The following TMEM117 variants were observed in gnomAD, a reference collection of about 807,000 sequenced individuals.
TMEM117 encodes transmembrane protein 117.
Under a neutral mutation model 52.4 loss-of-function variants are expected in TMEM117, and 27 were observed. The observed-to-expected ratio is 0.51, with a 90% CI of 0.38 to 0.71. The LOEUF is 0.71. Ranked by LOEUF, TMEM117 falls within the 30% of genes least tolerant of loss-of-function variation. The probability of loss-of-function intolerance (pLI) is 0.00; values close to 1 mark genes in which losing one functional copy is unlikely to be tolerated. For synonymous variants in TMEM117, 215 were observed against 206.3 expected, an observed-to-expected ratio of 1.04 and a Z score of -0.36; for missense variants, 556 against 630.5, an observed-to-expected ratio of 0.88 and a Z score of 1.26.
At chr12:44,259,299 A>G (rs1355729785) in intron 5 of TMEM117, among the ~76,000 whole-genome samples, 1 of 152,136 alleles carries the variant, frequency 6.6e-6, no homozygotes, top group Non-Finnish European at 1.5e-5. Context: ...ACCATACTCT[A>G]TGATGTGGTT....
chr12:44,141,989 T>C (rs1215816288), intron 3 of TMEM117, among the ~76,000 whole-genome samples: 1 of 152,216 alleles, frequency 6.6e-6, no homozygotes, highest in African/African-American at 2.4e-5. Flanking sequence ...TTTTATATCT[T>C]CACTAACACT....
chr12:44,281,579 C>T (rs1950577514), intron 5 of TMEM117, among the ~76,000 whole-genome samples: 1 of 152,136 alleles, frequency 6.6e-6, no homozygotes, highest in African/African-American at 2.4e-5. Flanking sequence ...ATAAAACATG[C>T]TTTTGTCCTG....
intron 2 of TMEM117, among the ~76,000 whole-genome samples, chr12:43,930,876 G>A (rs1230195951): frequency 2.0e-5 from 3 of 152,204 alleles, no homozygotes; most frequent in Non-Finnish European, 4.4e-5. Flanking sequence ...CAGGAAGGAG[G>A]AAATCAGGCA....
Position 44,152,662 on chromosome 12 carries a change from CAT to C in TMEM117, c.510+9044_510+9045del, listed in dbSNP as rs1296239800. On this transcript the variant is annotated intron_variant, in intron 4 of 7. Coordinates refer to ENST00000266534, the MANE Select transcript of TMEM117 (RefSeq NM_032256.3). ...AAATTTTTATATATAATATTTATAT[CAT>C]ATATAATTTTTATATATATAATATT... Among the ~76,000 whole-genome samples, 228 of 122,910 alleles carry C rather than the reference CAT, an allele frequency of 1.9e-3. 2 individuals carry two copies. The highest frequency in any genetic ancestry group is 6.8e-3 in the African/African-American group (217 of 31,966). 80.6% of individuals were successfully genotyped at this position (122,910 alleles called of 152,430 possible).
chr12:44,166,443 AG>A (rs1355259088), intron 4 of TMEM117, among the ~76,000 whole-genome samples: 2 of 152,190 alleles, frequency 1.3e-5, no homozygotes, highest in Non-Finnish European at 2.9e-5. Flanking sequence ...AAAGAAATGA[AG>A]TTTCACATTG....
intron 4 of TMEM117, among the ~76,000 whole-genome samples, chr12:44,208,003 A>G (rs1949592545): frequency 6.6e-6 from 1 of 152,118 alleles, no homozygotes; most frequent in African/African-American, 2.4e-5. Flanking sequence ...AGAAAAATCC[A>G]TTAAGAGCTT....
intron 5 of TMEM117, among the ~76,000 whole-genome samples, chr12:44,241,724 A>G (rs561876356): frequency 1.3e-5 from 2 of 152,066 alleles, no homozygotes; most frequent in Admixed American, 6.6e-5. Flanking sequence ...TAAAGCTGGC[A>G]AAACAGTAGT....
chr12:44,039,750 C>A (rs902793130), intron 3 of TMEM117, among the ~76,000 whole-genome samples: 1 of 151,856 alleles, frequency 6.6e-6, no homozygotes, highest in African/African-American at 2.4e-5. Context: ...GAAATCTTTA[C>A]CATCCAGACT....
intron 3 of TMEM117, among the ~76,000 whole-genome samples, chr12:44,031,248 C>G (rs1293611742): frequency 1.3e-5 from 2 of 152,040 alleles, no homozygotes; most frequent in African/African-American, 4.8e-5. Context: ...TCTGATATAA[C>G]TTAGTGTATA....
intron 6 of TMEM117, among the ~76,000 whole-genome samples, chr12:44,311,805 G>GTA (rs1410938648): frequency 3.0e-5 from 3 of 99,356 alleles, no homozygotes; most frequent in Admixed American, 1.1e-4. Flanking sequence ...ATGTATATAT[G>GTA]TATATATGTA....
chr12:43,860,031 CTTA>C (rs1184563344), intron 2 of TMEM117, among the ~76,000 whole-genome samples: 2 of 152,096 alleles, frequency 1.3e-5, no homozygotes. Context: ...GTTTCTTCTT[CTTA>C]TTATTATACT....
At chr12:43,926,498 A>C (rs1944780824) in intron 2 of TMEM117, among the ~76,000 whole-genome samples, 1 of 152,216 alleles carries the variant, frequency 6.6e-6, no homozygotes, top group African/African-American at 2.4e-5. Flanking sequence ...AGTCATTCTT[A>C]TAAATATCTA....
intron 7 of TMEM117, among the ~76,000 whole-genome samples, chr12:44,381,101 C>T (rs1405928204): frequency 1.3e-5 from 2 of 152,102 alleles, no homozygotes; most frequent in Non-Finnish European, 2.9e-5. Context: ...TGACAGATGG[C>T]TTGCTGCAGT....
At chr12:44,290,325 GT>G (rs1417233003) in intron 5 of TMEM117, among the ~76,000 whole-genome samples, 1 of 152,026 alleles carries the variant, frequency 6.6e-6, no homozygotes, top group Admixed American at 6.6e-5. Context: ...CTTTTTCCCT[GT>G]TTTCTTATAA....
intron 2 of TMEM117, among the ~76,000 whole-genome samples, chr12:43,938,440 A>G (rs1448298686): frequency 6.6e-6 from 1 of 151,988 alleles, no homozygotes; most frequent in African/African-American, 2.4e-5. Flanking sequence ...TCCATGGACA[A>G]CAATGAAGAA....
chr12:44,055,963 T>C (rs1171745605), intron 3 of TMEM117, among the ~76,000 whole-genome samples: 1 of 152,178 alleles, frequency 6.6e-6, no homozygotes, highest in African/African-American at 2.4e-5. Context: ...ACACTCAGCA[T>C]AATTGTTATA....
At position 44,185,748 on chromosome 12, in the gene TMEM117, C is replaced by T. The variant is rs1244025997; in HGVS notation, c.511-25542C>T. Among the ~76,000 whole-genome samples the T allele has an allele frequency of 3.3e-5, 5 of 152,152 alleles. No homozygotes were observed. The East Asian group carries it at 9.7e-4, about 29-fold the overall frequency. ...CTGAATCAAGTAGATGGTCTTTGCTCTATCATGGATTTGGGGTCTTTTTAC... is the reference window on the plus strand; with the variant it reads ...CTGAATCAAGTAGATGGTCTTTGCTTTATCATGGATTTGGGGTCTTTTTAC... On this transcript the variant is annotated intron_variant, in intron 4 of 7. Transcript: ENST00000266534.
chr12:43,868,112 A>G (rs7133336), intron 2 of TMEM117, among the ~76,000 whole-genome samples: 15,318 of 151,830 alleles, frequency 0.1, 2,360 homozygotes, highest in African/African-American at 0.33. Flanking sequence ...ACACACACAC[A>G]GACACACACT....
rs982301963 is a variant in TMEM117 at position 43,876,712 on chromosome 12, G to A, written c.277+31784G>A. 8.5e-5 allele frequency among the ~76,000 whole-genome samples: 13 copies of A among 152,156 alleles called. No individual in the cohort carries two copies. In the South Asian group the frequency reaches 1.0e-3, roughly 12 times the overall value. On this transcript the variant is annotated intron_variant, in intron 2 of 7. Coordinates refer to ENST00000266534, the MANE Select transcript of TMEM117 (RefSeq NM_032256.3). ...AGGATAATTTTCATTAAGGTATTGC[G>A]TTTTCCAATGCTGTGCTTAGCATAG...
Sources: allele counts gnomAD v4.1 joint callset (sites outside exome capture counted in the v4.1 genomes callset), GRCh38; gene constraint gnomAD v4.1.1; transcripts MANE v1.5; gene names NCBI Gene and HGNC (gene_info 2026-07-23, HGNC 2026-07-21).